The following STK32C variants were observed in gnomAD, a reference collection of about 807,000 sequenced individuals.
The protein encoded by STK32C is serine/threonine kinase 32C, also known as serine/threonine-protein kinase 32C.
A neutral mutation model predicts 56.5 loss-of-function variants in STK32C; 31 were observed. The observed-to-expected ratio is 0.55, with a 90% CI of 0.41 to 0.74. STK32C has a LOEUF of 0.74. Among genes scored for constraint, STK32C ranks in the 30% least tolerant of loss-of-function variants. The pLI, the probability that STK32C is intolerant of heterozygous loss-of-function variation, is 0.00. For missense variants in STK32C, 544 were observed against 676.9 expected (o/e 0.80, Z 2.18); for synonymous variants, 309 against 289.4 (o/e 1.07, Z -0.69).
At chr10:132,213,205 G>C (rs1275370602) in intron 10 of STK32C, among the ~76,000 whole-genome samples, 1 of 152,246 alleles carries the variant, frequency 6.6e-6, no homozygotes, top group African/African-American at 2.4e-5. Context: ...GGGGAGGACT[G>C]TTTTTCAGCC....
At chr10:132,309,485 A>G (rs902197576), upstream of STK32C, among the ~76,000 whole-genome samples, 9 of 152,224 alleles carry the variant, frequency 5.9e-5, no homozygotes, top group Non-Finnish European at 1.2e-4. Flanking sequence ...CTGACCAACC[A>G]GCCACCGCAG....
At chr10:132,306,893 C>T (rs2066087195) in intron 1 of STK32C, 1 of 152,348 alleles carries the variant, frequency 6.6e-6, no homozygotes, top group Middle Eastern at 3.4e-3. Context: ...CGGGAGGTGT[C>T]CCTGCAGGCC....
chr10:132,310,608 G>A (rs1375422832), upstream of STK32C, among the ~76,000 whole-genome samples: 2 of 152,194 alleles, frequency 1.3e-5, no homozygotes, highest in African/African-American at 4.8e-5. This position sits in a 1 kb window ranked among gnomAD's most constrained non-coding sequence, Gnocchi z 4.6. Flanking sequence ...GAGGCCAGTA[G>A]AGAATTCCTG....
chr10:132,228,263 C>G, intron 2 of STK32C, 135 bp from the exon 3 acceptor site: 2 of 1,078,344 alleles, frequency 1.9e-6, no homozygotes, highest in Non-Finnish European at 2.8e-6. Flanking sequence ...GCCGCAGCCC[C>G]TCTGCCTCCT....
chr10:132,308,035 GCT>G (rs1422095732), upstream of STK32C: 5 of 825,362 alleles, frequency 6.1e-6, no homozygotes, highest in Admixed American at 3.2e-4. Context: ...GCGGGGCGGA[GCT>G]CCTGGAAGGG....
chr10:132,308,284 C>T (rs2066147653), upstream of STK32C, among the ~76,000 whole-genome samples: 1 of 152,172 alleles, frequency 6.6e-6, no homozygotes, highest in South Asian at 2.1e-4. Context: ...CCACGGGTAT[C>T]CTGGGGCCCC....
At chr10:132,241,735 G>A (rs569778296) in intron 2 of STK32C, among the ~76,000 whole-genome samples, 3 of 152,266 alleles carry the variant, frequency 2.0e-5, no homozygotes, top group South Asian at 2.1e-4. Flanking sequence ...GGGACAGAGC[G>A]GGAAGCCCAG....
intron 4 of STK32C, 40 bp downstream of exon 4, chr10:132,226,755 C>G (rs2062906992): frequency 6.3e-7 from 1 of 1,597,552 alleles, no homozygotes; most frequent in Admixed American, 1.7e-5. Flanking sequence ...TCAGCCCCGC[C>G]CACCTCAGCA....
intron 1 of STK32C, among the ~76,000 whole-genome samples, chr10:132,315,898 AATT>A (rs1286587881): frequency 6.6e-6 from 1 of 152,260 alleles, no homozygotes; most frequent in Non-Finnish European, 1.5e-5. Flanking sequence ...ATTAAGCATC[AATT>A]ATAAAAGAGA....
intron 2 of STK32C, among the ~76,000 whole-genome samples, chr10:132,232,009 T>C (rs1240565138): frequency 6.6e-6 from 1 of 152,208 alleles, no homozygotes; most frequent in East Asian, 1.9e-4. Flanking sequence ...GGCGGGAAAC[T>C]CGCTTTCTCC....
intron 1 of STK32C, among the ~76,000 whole-genome samples, chr10:132,292,992 A>G (rs2065617038): frequency 6.6e-6 from 1 of 151,892 alleles, no homozygotes; most frequent in African/African-American, 2.4e-5. Context: ...CACAAGACTG[A>G]GCCAAGGAGA....
chr10:132,227,478 G>A (rs1389329590), intron 3 of STK32C, among the ~76,000 whole-genome samples: 1 of 152,094 alleles, frequency 6.6e-6, no homozygotes, highest in Non-Finnish European at 1.5e-5. Flanking sequence ...TGAGGGTGGT[G>A]GTGATGGTGA....
At chr10:132,305,046 A>C (rs2138393756) in intron 1 of STK32C, among the ~76,000 whole-genome samples, 1 of 152,326 alleles carries the variant, frequency 6.6e-6, no homozygotes, top group Non-Finnish European at 1.5e-5. Flanking sequence ...ACAGAGAGGA[A>C]TGAAGGGGCT....
chr10:132,226,927 T>C lies in STK32C; in HGVS notation c.512A>G (p.Asp171Gly), dbSNP rs2062912676. 1 of 1,613,276 alleles carries C rather than the reference T, an allele frequency of 6.2e-7. No individual in the cohort carries two copies. Among genetic ancestry groups the C allele is most frequent in the Non-Finnish European group, 8.5e-7 (1 of 1,180,026 alleles). Residue 171 changes from aspartate to glycine, a missense_variant, in exon 4 of 12, where the codon GAC (aspartate) becomes GGC (glycine). Transcript: ENST00000298630. Reference protein sequence around the residue: ...QDEEDMFMVVDLLLGGDLRYH... With the variant: ...QDEEDMFMVVGLLLGGDLRYH... ...GCGCAGGTCCCCGCCCAGTAGCAGGTCCACGACCATGAACATGTCCTCCTC... is the reference window on the plus strand; with the variant it reads ...GCGCAGGTCCCCGCCCAGTAGCAGGCCCACGACCATGAACATGTCCTCCTC...
chr10:132,221,331 C>A (rs1293362212), intron 10 of STK32C, among the ~76,000 whole-genome samples: 4 of 150,892 alleles, frequency 2.7e-5, no homozygotes, highest in Non-Finnish European at 4.4e-5. Flanking sequence ...CCCACACACA[C>A]AACTGATGCT....
intron 1 of STK32C, among the ~76,000 whole-genome samples, chr10:132,318,581 C>G (rs145495272): frequency 0.011 from 1,623 of 151,358 alleles, 29 homozygotes; most frequent in African/African-American, 0.037. Flanking sequence ...CGCCACTGCA[C>G]TCTAGCCTGG....
At chr10:132,326,921 A>C (rs1281291868) in intron 1 of STK32C, among the ~76,000 whole-genome samples, 1 of 152,244 alleles carries the variant, frequency 6.6e-6, no homozygotes, top group Non-Finnish European at 1.5e-5. Flanking sequence ...AATATTAATT[A>C]CTGGAAAAAC....
At chr10:132,223,661 G>C (rs74161741) in intron 8 of STK32C, among the ~76,000 whole-genome samples, 3,332 of 152,270 alleles carry the variant, frequency 0.022, 49 homozygotes, top group Non-Finnish European at 0.028. Flanking sequence ...GGCAGGCAAG[G>C]CCTCCCCAAG....
At chr10:132,266,625 C>T (rs568181868) in intron 1 of STK32C, among the ~76,000 whole-genome samples, 1 of 152,052 alleles carries the variant, frequency 6.6e-6, no homozygotes, top group African/African-American at 2.4e-5. Flanking sequence ...GCCAAGGAGC[C>T]CTCAATTTGT....
Sources: allele counts gnomAD v4.1 joint callset (sites outside exome capture counted in the v4.1 genomes callset), GRCh38; gene constraint gnomAD v4.1.1; non-coding constraint Gnocchi (gnomAD v3.1); transcripts MANE v1.5; gene names NCBI Gene and HGNC (gene_info 2026-07-23, HGNC 2026-07-21).